Variants in THBD observed in about 807,000 individuals in gnomAD.
THBD encodes the protein CD141 antigen.
For missense variants in THBD, 850 were observed against 816.9 expected (o/e 1.04, Z -0.49); for synonymous variants, 449 against 374.2 (o/e 1.20, Z -2.31).
Position 23,048,297 on chromosome 20 carries a change from C to T in THBD, c.1208G>A (p.Arg403Lys), listed in dbSNP as rs41400249. ...AGTCTGGTTGCAAAACATCTGGCAC[C>T]TGTGCGGCTCGTGGGGAATGGGCGC... ...GFAPIPHEPH[R>K]CQMFCNQTAC... Residue 403 changes from arginine to lysine, a missense_variant, in exon 1 of 1, where the codon AGG becomes AAG. Transcript: ENST00000377103. 624 of 1,613,952 alleles carry T rather than the reference C, an allele frequency of 3.9e-4. 5 individuals carry two copies. The East Asian group carries it at 5.0e-3, about 13-fold the overall frequency.
chr20:23,048,477 G>A lies in THBD; in HGVS notation c.1028C>T (p.Thr343Ile). ...GCAGTGGCACTCGAAGCCACCCTGT[G>A]TGTTGACACAGCGCTGCGGACACGG... Reference protein sequence around the residue: ...PSPCPQRCVNTQGGFECHCYP... With the variant: ...PSPCPQRCVNIQGGFECHCYP... The change falls in exon 1 of 1, where the codon ACA (threonine) becomes ATA (isoleucine). Residue 343 changes from threonine (T) to isoleucine (I), a missense_variant. Thr to Ile is a moderately conservative substitution (Grantham distance 89). Transcript: ENST00000377103. The A allele has an allele frequency of 6.2e-7, 1 of 1,612,244 alleles. No homozygotes were observed. The highest frequency in any genetic ancestry group is 8.5e-7 in the Non-Finnish European group (1 of 1,180,024).
Position 23,047,789 on chromosome 20 carries a change from C to T in THBD, c.1716G>A (p.Pro572=). 2 of 1,585,624 alleles carry T rather than the reference C, an allele frequency of 1.3e-6. No homozygotes were observed. Among genetic ancestry groups the T allele is most frequent in the Non-Finnish European group, 1.7e-6 (2 of 1,167,132 alleles). ...VLQHVRTERT[P]QRL ...GGACGGAGGCCGCTCAGAGTCTCTG[C>T]GGCGTCCGCTCGGTCCGCACGTGCT... The change falls in exon 1 of 1, where the codon CCG becomes CCA. Residue 572 remains proline (P), a synonymous_variant. Coordinates refer to ENST00000377103, the MANE Select transcript of THBD (RefSeq NM_000361.3).
At position 23,049,656 on chromosome 20, in the gene THBD, G is replaced by A; in HGVS notation, c.-152C>T. On this transcript the variant is annotated 5_prime_UTR_variant, in exon 1 of 1. Coordinates refer to ENST00000377103, the MANE Select transcript of THBD (RefSeq NM_000361.3). ...TCTTGCCGCTGCGCGCAGCCCCTGC[G>A]AGGCAGCCTCTGACATGCGGATCGG... The A allele has an allele frequency of 2.8e-6, 3 of 1,067,840 alleles. No individual in the cohort carries two copies. Among genetic ancestry groups the A allele is most frequent in the Non-Finnish European group, 2.8e-6 (2 of 718,546 alleles). The allele number at this position is 1,067,840 out of a possible 1,614,324, so 66.1% of individuals were successfully genotyped here.
rs903714374 is a variant in THBD at position 23,047,409 on chromosome 20, T to TA, written c.*367dup. On this transcript the variant is annotated 3_prime_UTR_variant, in exon 1 of 1. Transcript: ENST00000377103. ...GGAAACAAACAAAAACCTAAATACT[T>TA]AAAAAAAATAAATATTTTAGTCATC... The TA allele has an allele frequency of 4.7e-5, 13 of 277,590 alleles. No homozygotes were observed. The highest frequency in any genetic ancestry group is 1.9e-4 in the Admixed American group (4 of 21,212). The allele number at this position is 277,590 out of a possible 1,614,324, so 17.2% of individuals were successfully genotyped here. A position where few individuals can be genotyped will look rare whatever the true frequency, so the allele number is the denominator to read the frequency against.
In THBD at chr20:23,048,307, C is replaced by T. The variant is rs200712265; in HGVS notation, c.1198G>A (p.Glu400Lys). 4 of 1,613,872 alleles carry T rather than the reference C, an allele frequency of 2.5e-6. No individual in the cohort carries two copies. The highest frequency in any genetic ancestry group is 1.7e-5 in the Admixed American group (1 of 60,028). ...CAEGFAPIPHEPHRCQMFCNQ... is the reference protein window; with the variant it reads ...CAEGFAPIPHKPHRCQMFCNQ... ...CAAAACATCTGGCACCTGTGCGGCT[C>T]GTGGGGAATGGGCGCGAAGCCCTCG... Residue 400 changes from glutamate (E) to lysine (K), a missense_variant, in exon 1 of 1, where the codon GAG (glutamate) becomes AAG (lysine). Coordinates refer to ENST00000377103, the MANE Select transcript of THBD (RefSeq NM_000361.3).
rs1432196644 is a variant in THBD at position 23,048,662 on chromosome 20, G to T, written c.843C>A (p.Thr281=). 1.9e-6 allele frequency: 3 copies of T among 1,587,566 alleles called. No homozygotes were observed. Among genetic ancestry groups the T allele is most frequent in the Non-Finnish European group, 2.6e-6 (3 of 1,173,134 alleles). The part of the protein sequence containing the change: ...AALQADGRSC[T]ASATQSCNDL... ...CGTTGCAGGACTGCGTCGCGGATGC[G>T]GTGCAGGAGCGCCCGTCTGCCTGCA... The change falls in exon 1 of 1, where the codon ACC becomes ACA. Residue 281 remains threonine (T), a synonymous_variant. Coordinates refer to ENST00000377103, the MANE Select transcript of THBD (RefSeq NM_000361.3).
rs771123665 is a variant in THBD at position 23,048,661 on chromosome 20, C to G, written c.844G>C (p.Ala282Pro). Reference sequence around the variant, plus strand: ...TCGTTGCAGGACTGCGTCGCGGATGCGGTGCAGGAGCGCCCGTCTGCCTGC... The same window carrying G: ...TCGTTGCAGGACTGCGTCGCGGATGGGGTGCAGGAGCGCCCGTCTGCCTGC... ...ALQADGRSCT[A>P]SATQSCNDLC... The change falls in exon 1 of 1, where the codon GCA becomes CCA. Residue 282 changes from alanine to proline, a missense_variant. Ala to Pro is a conservative substitution (Grantham distance 27). Coordinates refer to ENST00000377103, the MANE Select transcript of THBD (RefSeq NM_000361.3). 6.1e-5 allele frequency: 97 copies of G among 1,591,436 alleles called. No individual in the cohort carries two copies. Among genetic ancestry groups the G allele is most frequent in the Non-Finnish European group, 7.3e-5 (86 of 1,176,310 alleles).
rs1984601769 is a variant in THBD, at chr20:23,047,574, T to G, written c.*203A>C. ...TTGCCATCATTGCCCAGTGGTCCAG[T>G]GACGTCACGGAAGAGGCCGAGGCTC... is the stretch of plus-strand genomic sequence containing the variant. On this transcript the variant is annotated 3_prime_UTR_variant, in exon 1 of 1. Coordinates refer to ENST00000377103, the MANE Select transcript of THBD (RefSeq NM_000361.3). The G allele has an allele frequency of 3.1e-6, 2 of 646,200 alleles. No homozygotes were observed. Among genetic ancestry groups the G allele is most frequent in the Middle Eastern group, 4.2e-4 (1 of 2,372 alleles). 40.0% of individuals were successfully genotyped at this position (646,200 alleles called of 1,614,324 possible). A position where few individuals can be genotyped will look rare whatever the true frequency, so the allele number is the denominator to read the frequency against.
Position 23,047,923 on chromosome 20 carries a change from G to A in THBD, c.1582C>T (p.Leu528=). ...LIGISIASLC[L]VVALLALLCH... Reference sequence around the variant, plus strand: ...AGGAGCGCCAAAAGCGCCACCACCAGGCACAGGCTCGCGATGGAGATGCCT... The same window carrying A: ...AGGAGCGCCAAAAGCGCCACCACCAAGCACAGGCTCGCGATGGAGATGCCT... Residue 528 remains leucine (L), a synonymous_variant, in exon 1 of 1, where the codon CTG becomes TTG. Transcript: ENST00000377103. 1.2e-6 allele frequency: 2 copies of A among 1,610,312 alleles called. No homozygotes were observed.
chr20:23,048,907 G>T lies in THBD; in HGVS notation c.598C>A (p.Arg200Ser), dbSNP rs367987679. Reference protein sequence around the residue: ...SITYGTPFAARGADFQALPVG... With the variant: ...SITYGTPFAASGADFQALPVG... ...GGCAGCGCCTGGAAGTCCGCTCCGCGGGCCGCGAACGGGGTGCCGTAGGTG... is the reference window on the plus strand; with the variant it reads ...GGCAGCGCCTGGAAGTCCGCTCCGCTGGCCGCGAACGGGGTGCCGTAGGTG... Residue 200 changes from arginine to serine, a missense_variant, in exon 1 of 1, where the codon CGC (arginine) becomes AGC (serine). Physicochemically the swap from Arg to Ser is moderately radical, Grantham distance 110 (BLOSUM62 -1). Coordinates refer to ENST00000377103, the MANE Select transcript of THBD (RefSeq NM_000361.3). The T allele has an allele frequency of 1.3e-6, 2 of 1,522,630 alleles. No homozygotes were observed. Among genetic ancestry groups the T allele is most frequent in the Non-Finnish European group, 1.8e-6 (2 of 1,138,178 alleles). The allele number at this position is 1,522,630 out of a possible 1,614,324, so 94.3% of individuals were successfully genotyped here. A position where few individuals can be genotyped will look rare whatever the true frequency, so the allele number is the denominator to read the frequency against.
rs780859999 is a variant in THBD, at chr20:23,049,359, C to T, written c.146G>A (p.Ser49Asn). 6.9e-6 allele frequency: 11 copies of T among 1,605,812 alleles called. No individual in the cohort carries two copies. In the South Asian group the frequency reaches 1.0e-4, roughly 15 times the overall value. ...GCCCCGCAGTCCGTCGCAGATCTGACTGGCATTGAGGAAGGTCGCGGGGCC... is the reference window on the plus strand; with the variant it reads ...GCCCCGCAGTCCGTCGCAGATCTGATTGGCATTGAGGAAGGTCGCGGGGCC... ...YPGPATFLNA[S>N]QICDGLRGHL... The change falls in exon 1 of 1, where the codon AGT becomes AAT. Residue 49 changes from serine to asparagine, a missense_variant. By Grantham distance (46) the Ser-to-Asn change is conservative. Coordinates refer to ENST00000377103, the MANE Select transcript of THBD (RefSeq NM_000361.3).
At position 23,048,095 on chromosome 20, in the gene THBD, C is replaced by T. The variant is rs530378253; in HGVS notation, c.1410G>A (p.Ser470=). 8 of 1,612,642 alleles carry T rather than the reference C, an allele frequency of 5.0e-6. 1 individual carries two copies. The South Asian group carries it at 5.5e-5, about 11-fold the overall frequency. The change falls in exon 1 of 1, where the codon TCG becomes TCA. Residue 470 remains serine, a synonymous_variant. Coordinates refer to ENST00000377103, the MANE Select transcript of THBD (RefSeq NM_000361.3). Reference sequence around the variant, plus strand: ...CGGTGCCAATGTGGCGGGCAAGGGCCGAGTCGGGCCCGCAGATGCACTCGA... The same window carrying T: ...CGGTGCCAATGTGGCGGGCAAGGGCTGAGTCGGGCCCGCAGATGCACTCGA... ...GTFECICGPD[S]ALARHIGTDC... is the part of the protein sequence containing the mutation.
Position 23,049,286 on chromosome 20 carries a change from C to T in THBD, c.219G>A (p.Leu73=). The change falls in exon 1 of 1, where the codon TTG becomes TTA. Residue 73 remains leucine, a synonymous_variant. Coordinates refer to ENST00000377103, the MANE Select transcript of THBD (RefSeq NM_000361.3). ...RSSVAADVIS[L]LLNGDGGVGR... is the part of the protein sequence containing the mutation. ...CAACGCCGCCGTCGCCGTTCAGTAG[C>T]AAGGAAATGACATCGGCAGCCACCG... 4 of 1,565,412 alleles carry T rather than the reference C, an allele frequency of 2.6e-6. No homozygotes were observed. The highest frequency in any genetic ancestry group is 3.5e-6 in the Non-Finnish European group (4 of 1,157,208).
chr20:23,047,483 G>T lies in THBD; in HGVS notation c.*294C>A. The T allele has an allele frequency of 2.0e-6, 1 of 490,736 alleles. No individual in the cohort carries two copies. Among genetic ancestry groups the T allele is most frequent in the Non-Finnish European group, 3.6e-6 (1 of 277,234 alleles). 30.4% of individuals were successfully genotyped at this position (490,736 alleles called of 1,614,324 possible). ...GCCCAGAAGGCTGCCGACCAATAAC[G>T]CTCACCCTCCTGCGCCCGGTAGTGA... On this transcript the variant is annotated 3_prime_UTR_variant, in exon 1 of 1. Coordinates refer to ENST00000377103, the MANE Select transcript of THBD (RefSeq NM_000361.3).
Position 23,049,456 on chromosome 20 carries a change from A to G in THBD, c.49T>C (p.Phe17Leu), listed in dbSNP as rs1600410618. The G allele has an allele frequency of 7.1e-6, 11 of 1,553,098 alleles. No homozygotes were observed. The highest frequency in any genetic ancestry group is 9.6e-6 in the Non-Finnish European group (11 of 1,150,062). ...GGCTGCGGCTCTGCGGGTGCGGGGA[A>G]CCCCAGGCCGGCCAGGGCCAGCGCG... ...LGALALAGLGFPAPAEPQPGG... is the reference protein window; with the variant it reads ...LGALALAGLGLPAPAEPQPGG... Residue 17 changes from phenylalanine to leucine, a missense_variant, in exon 1 of 1, where the codon TTC (phenylalanine) becomes CTC (leucine). Physicochemically the swap from Phe to Leu is conservative, Grantham distance 22 (BLOSUM62 0). Coordinates refer to ENST00000377103, the MANE Select transcript of THBD (RefSeq NM_000361.3).
chr20:23,047,876 C>T lies in THBD; in HGVS notation c.1629G>A (p.Gln543=). Reference sequence around the variant, plus strand: ...ACTCCATCTTGGCCCTGGCGGCGCCCTGCTTCTTGCGCAGGTGGCAGAGGA... The same window carrying T: ...ACTCCATCTTGGCCCTGGCGGCGCCTTGCTTCTTGCGCAGGTGGCAGAGGA... ...LALLCHLRKK[Q]GAARAKMEYK... Residue 543 remains glutamine, a synonymous_variant, in exon 1 of 1, where the codon CAG becomes CAA. Transcript: ENST00000377103. 1.9e-6 allele frequency: 3 copies of T among 1,603,860 alleles called. No individual in the cohort carries two copies. Among genetic ancestry groups the T allele is most frequent in the Non-Finnish European group, 2.6e-6 (3 of 1,175,606 alleles).
In THBD at chr20:23,049,518, G is replaced by T. The variant is rs944613155; in HGVS notation, c.-14C>A. The T allele has an allele frequency of 6.5e-7, 1 of 1,530,432 alleles. No homozygotes were observed. The allele number at this position is 1,530,432 out of a possible 1,614,324, so 94.8% of individuals were successfully genotyped here. A position where few individuals can be genotyped will look rare whatever the true frequency, so the allele number is the denominator to read the frequency against. ...GACCCCAAGCATGTTACCCAGGCGC[G>T]CCGCGTGCAGGCGCCGGGGAAAGCG... On this transcript the variant is annotated 5_prime_UTR_variant, in exon 1 of 1. Coordinates refer to ENST00000377103, the MANE Select transcript of THBD (RefSeq NM_000361.3).
rs888161210 is a variant in THBD, at chr20:23,048,040, C to G, written c.1465G>C (p.Asp489His). 6.2e-6 allele frequency: 10 copies of G among 1,611,558 alleles called. No individual in the cohort carries two copies. The African/African-American group carries it at 1.1e-4, about 17-fold the overall frequency. ...GGCGGGGGCTCGCCAGAGCCGCTGT[C>G]GCCACCGTCCACCTTGCCGGAGTCA... The part of the protein sequence containing the change: ...DCDSGKVDGG[D>H]SGSGEPPPSP... The change falls in exon 1 of 1, where the codon GAC (aspartate) becomes CAC (histidine). Residue 489 changes from aspartate to histidine, a missense_variant. By Grantham distance (81) the Asp-to-His change is moderately conservative (BLOSUM62 -1). Transcript: ENST00000377103.
rs1344500270 is a variant in THBD at position 23,049,247 on chromosome 20, G to A, written c.258C>T (p.Leu86=). Residue 86 remains leucine (L), a synonymous_variant, in exon 1 of 1, where the codon CTC becomes CTT. Coordinates refer to ENST00000377103, the MANE Select transcript of THBD (RefSeq NM_000361.3). Reference sequence around the variant, plus strand: ...CGGGTGGCAGCTGCAGGCCGATCCAGAGGCGCCGGCGGCCAACGCCGCCGT... The same window carrying A: ...CGGGTGGCAGCTGCAGGCCGATCCAAAGGCGCCGGCGGCCAACGCCGCCGT... ...NGDGGVGRRR[L]WIGLQLPPGC... The A allele has an allele frequency of 2.0e-6, 3 of 1,529,306 alleles. No homozygotes were observed. Among genetic ancestry groups the A allele is most frequent in the Non-Finnish European group, 2.6e-6 (3 of 1,138,442 alleles). The allele number at this position is 1,529,306 out of a possible 1,614,324, so 94.7% of individuals were successfully genotyped here.
Sources: gnomAD v4.1 joint callset for allele counts on GRCh38, gnomAD v4.1.1 for gene constraint, MANE v1.5 for transcripts, NCBI Gene and HGNC (gene_info 2026-07-23, HGNC 2026-07-21) for gene names.